Variants in COL4A2 observed in about 807,000 individuals in gnomAD.
The protein encoded by COL4A2 is collagen alpha-2(IV) chain.
COL4A2 carries 99 observed loss-of-function variants against 200.2 expected under a neutral mutation model. That is an observed-to-expected ratio of 0.49 (90% CI 0.42 to 0.58). COL4A2 has a LOEUF of 0.58. Among genes scored for constraint, COL4A2 ranks in the 20% least tolerant of loss-of-function variants. The pLI is 0.00. For synonymous variants in COL4A2, 897 were observed against 900.6 expected, an observed-to-expected ratio of 1.00 and a Z score of 0.07; for missense variants, 1,950 against 2,314.1, an observed-to-expected ratio of 0.84 and a Z score of 3.23.
intron 4 of COL4A2, among the ~76,000 whole-genome samples, chr13:110,368,906 A>G (rs995793729): frequency 6.6e-6 from 1 of 151,956 alleles, no homozygotes; most frequent in Non-Finnish European, 1.5e-5. Context: ...GAAATCCAAG[A>G]AGACTAAAAT....
At chr13:110,449,882 T>C in intron 19 of COL4A2, 93 bp downstream of exon 19, 2 of 1,362,232 alleles carry the variant, frequency 1.5e-6, no homozygotes, top group Non-Finnish European at 9.9e-7. Flanking sequence ...ACGACGTAGC[T>C]ATGTCGTTGT....
chr13:110,438,071 T>C, intron 14 of COL4A2, 34 bp downstream of exon 14: 1 of 1,601,436 alleles, frequency 6.2e-7, no homozygotes, highest in Non-Finnish European at 8.5e-7. Context: ...CCCTCCCCTG[T>C]GGCTCCTGGG....
At chr13:110,428,677 CCAGAA>C (rs1344692228) in intron 7 of COL4A2, 94 bp downstream of exon 7, 1 of 638,548 alleles carries the variant, frequency 1.6e-6, no homozygotes, top group African/African-American at 1.9e-5. Flanking sequence ...CTCACTGTGG[CCAGAA>C]CGGAAGCATA....
At chr13:110,507,805 G>A in intron 46 of COL4A2, 130 bp from the exon 47 acceptor site, 1 of 883,744 alleles carries the variant, frequency 1.1e-6, no homozygotes, top group Non-Finnish European at 1.8e-6. Flanking sequence ...TGGCCCTCCA[G>A]TAGGTGGCTA....
chr13:110,325,656 C>T (rs1158339802), intron 3 of COL4A2, among the ~76,000 whole-genome samples: 2 of 152,200 alleles, frequency 1.3e-5, no homozygotes, highest in Non-Finnish European at 2.9e-5. Context: ...GCCTTTCTGT[C>T]TTCTCAGATT....
chr13:110,368,377 A>G (rs924179091), intron 4 of COL4A2, among the ~76,000 whole-genome samples: 4 of 152,234 alleles, frequency 2.6e-5, no homozygotes, highest in African/African-American at 9.6e-5. Flanking sequence ...CTCTTCTTCC[A>G]AATAAGGTTT....
chr13:110,348,883 T>C (rs117108778), intron 3 of COL4A2, among the ~76,000 whole-genome samples: 1,710 of 152,322 alleles, frequency 0.011, 17 homozygotes, highest in East Asian at 0.046. Flanking sequence ...TTAAAAAGAC[T>C]TCCTTGGACA....
At chr13:110,484,095 CA>C (rs11289579) in intron 32 of COL4A2, among the ~76,000 whole-genome samples, 128,992 of 148,386 alleles carry the variant, frequency 0.87, 55,932 homozygotes, top group East Asian at 0.93. Context: ...CTATTTCAGG[CA>C]AAAAAAAAAA....
chr13:110,429,839 G>T, intron 7 of COL4A2, 46 bp from the exon 8 acceptor site: 1 of 1,577,914 alleles, frequency 6.3e-7, no homozygotes, highest in Non-Finnish European at 8.7e-7. Context: ...AATGTTAATG[G>T]ACTCTTTTTG....
chr13:110,385,631 ATAGGCCGTGGCTACAGTGTG>A (rs1286130805), intron 4 of COL4A2, among the ~76,000 whole-genome samples: 2 of 149,440 alleles, frequency 1.3e-5, no homozygotes, highest in Admixed American at 6.6e-5. Context: ...CAGTGTGTGG[ATAGGCCGTGGCTACAGTGTG>A]TGGATAGACC....
At chr13:110,428,420 C>A in intron 6 of COL4A2, 47 bp from the exon 7 acceptor site, 1 of 1,144,608 alleles carries the variant, frequency 8.7e-7, no homozygotes, top group Non-Finnish European at 1.3e-6. Context: ...TACATGACAA[C>A]TAGAAGCCTG....
At chr13:110,389,059 T>C (rs1179768647) in intron 4 of COL4A2, among the ~76,000 whole-genome samples, 2 of 152,192 alleles carry the variant, frequency 1.3e-5, no homozygotes, top group Non-Finnish European at 2.9e-5. Flanking sequence ...CCATCCTTCC[T>C]TTGTGTCTGA....
chr13:110,330,344 C>T (rs572647874), intron 3 of COL4A2, among the ~76,000 whole-genome samples: 10 of 151,912 alleles, frequency 6.6e-5, no homozygotes, highest in Admixed American at 1.3e-4. Flanking sequence ...ATGTTTTACT[C>T]GGTGGCTTCA....
rs941874079 is a variant in COL4A2, at chr13:110,425,142, C to A, written c.360+145C>A. On this transcript the variant is annotated intron_variant, in intron 6 of 47. Transcript: ENST00000360467. ...GGGGACTATACGTGCGTATTCTCCC[C>A]GCGGAATTCAGTCAGACAGTGAACA... 26 of 922,402 alleles carry A rather than the reference C, an allele frequency of 2.8e-5. No homozygotes were observed. The Admixed American group carries it at 3.5e-4, about 12-fold the overall frequency. The allele number at this position is 922,402 out of a possible 1,614,324, so 57.1% of individuals were successfully genotyped here.
At chr13:110,364,237 A>C (rs978623854) in intron 4 of COL4A2, among the ~76,000 whole-genome samples, 1 of 152,218 alleles carries the variant, frequency 6.6e-6, no homozygotes. Context: ...CCCTGTCTAC[A>C]CATAGCTCTC....
intron 32 of COL4A2, 38 bp from the exon 33 acceptor site, chr13:110,484,867 G>A: frequency 6.4e-7 from 1 of 1,568,396 alleles, no homozygotes; most frequent in Non-Finnish European, 8.7e-7. Flanking sequence ...GCGTGGTCTG[G>A]AGCCCCCAGA....
At chr13:110,423,250 C>CT (rs763722985) in intron 4 of COL4A2, among the ~76,000 whole-genome samples, 1 of 100,078 alleles carries the variant, frequency 1.0e-5, no homozygotes, top group African/African-American at 2.8e-5. Context: ...AGAGATAGAA[C>CT]TTCCCCTCCC....
In COL4A2 at chr13:110,355,744, TG is replaced by T. The variant is rs373286996; in HGVS notation, c.100-1723del. ...GGCTGCACTAGCTCACCTGTGTGTG[TG>T]GGGGAGGGCTGCACTAGCTCACCTG... On this transcript the variant is annotated intron_variant, in intron 3 of 47. Coordinates refer to ENST00000360467, the MANE Select transcript of COL4A2 (RefSeq NM_001846.4). Among the ~76,000 whole-genome samples, 30 of 6,920 alleles carry T rather than the reference TG, an allele frequency of 4.3e-3. 1 individual carries two copies. Among genetic ancestry groups the T allele is most frequent in the East Asian group, 0.011 (1 of 88 alleles). The allele number at this position is 6,920 out of a possible 152,430, so 4.5% of individuals were successfully genotyped here.
chr13:110,429,841 C>G (rs779627331), intron 7 of COL4A2, 44 bp from the exon 8 acceptor site: 132 of 1,583,108 alleles, frequency 8.3e-5, no homozygotes, highest in Admixed American at 1.5e-4. Flanking sequence ...TGTTAATGGA[C>G]TCTTTTTGTT....
Sources: gnomAD v4.1 joint callset for allele counts (sites outside exome capture counted in the v4.1 genomes callset) on GRCh38, gnomAD v4.1.1 for gene constraint, MANE v1.5 for transcripts, NCBI Gene and HGNC (gene_info 2026-07-23, HGNC 2026-07-21) for gene names.